Variants in ABLIM2 observed in about 807,000 individuals in gnomAD.
ABLIM2 encodes actin-binding LIM protein 2.
Under a neutral mutation model 97.7 loss-of-function variants are expected in ABLIM2, and 53 were observed. The ratio of observed to expected loss-of-function variants is 0.54; its 90% CI spans 0.44 to 0.68. The LOEUF (loss-of-function observed/expected upper bound fraction) is 0.68, where lower values mean the gene tolerates loss of function less well. ABLIM2 is among the 30% of genes least tolerant of loss of function. The probability of loss-of-function intolerance (pLI) is 0.00; values close to 1 mark genes in which losing one functional copy is unlikely to be tolerated. For synonymous variants in ABLIM2, 361 were observed against 345.8 expected, an observed-to-expected ratio of 1.04 and a Z score of -0.49; for missense variants, 835 against 867.2, an observed-to-expected ratio of 0.96 and a Z score of 0.47.
Position 7,992,444 on chromosome 4 carries a change from G to A in ABLIM2, c.1680+422C>T, listed in dbSNP as rs1170948612. ...CACGGTAACAGTAATAGCAGGGAAG[G>A]CCAGGGCATCCCCGAGAAGGAGGTG... On this transcript the variant is annotated intron_variant, in intron 17 of 20. Coordinates refer to ENST00000447017, the MANE Select transcript of ABLIM2 (RefSeq NM_001130083.2). The surrounding 1 kb of genome is among the most constrained non-coding windows in gnomAD (Gnocchi z 5.7). 6.6e-6 allele frequency among the ~76,000 whole-genome samples: 1 copy of A among 152,182 alleles called. No individual in the cohort carries two copies. The highest frequency in any genetic ancestry group is 2.4e-5 in the African/African-American group (1 of 41,452).
At position 8,006,423 on chromosome 4, in the gene ABLIM2, C is replaced by T. The variant is rs114560988; in HGVS notation, c.1618+1636G>A. Among the ~76,000 whole-genome samples, 458 of 152,316 alleles carry T rather than the reference C, an allele frequency of 3.0e-3. 1 individual carries two copies. Among genetic ancestry groups the T allele is most frequent in the Non-Finnish European group, 5.6e-3 (381 of 68,028 alleles). ...TGGCCCCAGCCTTGCAGAGTTCTGC[C>T]GGCCACCTGGCAAGGGAAGAACTGA... On this transcript the variant is annotated intron_variant, in intron 16 of 20. Coordinates refer to ENST00000447017, the MANE Select transcript of ABLIM2 (RefSeq NM_001130083.2).
chr4:7,980,941 A>ATTTTTTTTTTTTATTTTTT (rs1737705651), intron 20 of ABLIM2, among the ~76,000 whole-genome samples: 1 of 82,988 alleles, frequency 1.2e-5, no homozygotes, highest in Non-Finnish European at 2.1e-5. Flanking sequence ...ACAACCCCTT[A>ATTTTTTTTTTTTATTTTTT]TTTTTTTTTT....
At chr4:7,981,442 G>T (rs1055242312) in intron 20 of ABLIM2, among the ~76,000 whole-genome samples, 5 of 152,086 alleles carry the variant, frequency 3.3e-5, no homozygotes, top group African/African-American at 1.2e-4. Context: ...CTATCTTCCG[G>T]AAACATATAA....
At chr4:8,010,520 G>A (rs1329565427) in intron 14 of ABLIM2, 1 of 985,808 alleles carries the variant, frequency 1.0e-6, no homozygotes, top group African/African-American at 1.7e-5. Context: ...AGGCCAGAGA[G>A]CTTGGAAATT....
At chr4:8,141,904 C>A (rs1168720383) in intron 1 of ABLIM2, among the ~76,000 whole-genome samples, 1 of 152,208 alleles carries the variant, frequency 6.6e-6, no homozygotes, top group Non-Finnish European at 1.5e-5. Flanking sequence ...AATACATGCA[C>A]CCTGGATCTG....
At chr4:8,157,724 C>T (rs918678887) in intron 1 of ABLIM2, among the ~76,000 whole-genome samples, 1 of 152,272 alleles carries the variant, frequency 6.6e-6, no homozygotes, top group Non-Finnish European at 1.5e-5. Context: ...CAGTCCCTGG[C>T]GCGACAGGCT....
In ABLIM2 at chr4:8,061,915, G is replaced by C. The variant is rs917649445; in HGVS notation, c.676-861C>G. 6.6e-6 allele frequency among the ~76,000 whole-genome samples: 1 copy of C among 152,146 alleles called. No individual in the cohort carries two copies. The highest frequency in any genetic ancestry group is 1.5e-5 in the Non-Finnish European group (1 of 68,030). ...TTTTCCCTGTCCTGTGCCTTCCCTAGGATGAAAACAGCCCCGAGATGGCCC... is the reference window on the plus strand; with the variant it reads ...TTTTCCCTGTCCTGTGCCTTCCCTACGATGAAAACAGCCCCGAGATGGCCC... On this transcript the variant is annotated intron_variant, in intron 6 of 20. Coordinates refer to ENST00000447017, the MANE Select transcript of ABLIM2 (RefSeq NM_001130083.2). The surrounding 1 kb of genome is among the most constrained non-coding windows in gnomAD (Gnocchi z 4.5).
rs1340659797 is a variant in ABLIM2, at chr4:8,069,916, GTTTC to G, written c.675+7708_675+7711del. ...TTTATGTTGGTTGTGTGTGTCATGT[GTTTC>G]TTTCTGTGTGTTTATTTCCATGTGT... On this transcript the variant is annotated intron_variant, in intron 6 of 20. Transcript: ENST00000447017. The surrounding 1 kb of genome is among the most constrained non-coding windows in gnomAD (Gnocchi z 4.2). 1.9e-4 allele frequency among the ~76,000 whole-genome samples: 29 copies of G among 152,128 alleles called. No individual in the cohort carries two copies. The highest frequency in any genetic ancestry group is 6.5e-4 in the Admixed American group (10 of 15,276).
chr4:7,995,210 T>C (rs1366501158), intron 16 of ABLIM2, among the ~76,000 whole-genome samples: 2 of 152,198 alleles, frequency 1.3e-5, no homozygotes, highest in Non-Finnish European at 2.9e-5. Context: ...CCCTAAACTG[T>C]CTGTCTTTCC....
intron 6 of ABLIM2, among the ~76,000 whole-genome samples, chr4:8,064,829 T>C (rs80175657): frequency 0.04 from 6,057 of 152,246 alleles, 427 homozygotes; most frequent in African/African-American, 0.14. Context: ...TCCATGGGTG[T>C]GTCCAGTTTG....
chr4:7,980,961 T>TTTTTTTTG (rs1737839935), intron 20 of ABLIM2, among the ~76,000 whole-genome samples: 1 of 144,276 alleles, frequency 6.9e-6, no homozygotes, highest in Non-Finnish European at 1.5e-5. Flanking sequence ...TTTTTTTTTT[T>TTTTTTTTG]GAGATGGAGT....
intron 9 of ABLIM2, among the ~76,000 whole-genome samples, chr4:8,042,561 C>T (rs563676521): frequency 6.6e-6 from 1 of 152,304 alleles, no homozygotes; most frequent in Non-Finnish European, 1.5e-5. Context: ...TAAAAATAGG[C>T]CAGGCACAGC....
Position 8,058,986 on chromosome 4 carries a change from C to T in ABLIM2, c.763+1981G>A, listed in dbSNP as rs1346528006. Among the ~76,000 whole-genome samples the T allele has an allele frequency of 1.3e-5, 2 of 152,128 alleles. No homozygotes were observed. Among genetic ancestry groups the T allele is most frequent in the African/African-American group, 4.8e-5 (2 of 41,436 alleles). On this transcript the variant is annotated intron_variant, in intron 7 of 20. Coordinates refer to ENST00000447017, the MANE Select transcript of ABLIM2 (RefSeq NM_001130083.2). The surrounding 1 kb of genome is among the most constrained non-coding windows in gnomAD (Gnocchi z 4.2). Reference sequence around the variant, plus strand: ...CTGCTGCCCCAACCCTGCTCATTGGCTGCAACCCCCACTGTCTGCCATATT... The same window carrying T: ...CTGCTGCCCCAACCCTGCTCATTGGTTGCAACCCCCACTGTCTGCCATATT...
In ABLIM2 at chr4:8,080,801, A is replaced by G. The variant is rs1287099175; in HGVS notation, c.456T>C (p.Ser152=). 1.2e-6 allele frequency: 2 copies of G among 1,604,790 alleles called. No homozygotes were observed. The highest frequency in any genetic ancestry group is 1.7e-6 in the Non-Finnish European group (2 of 1,174,424). ...SSAHLSQGLR[S]CGGCGTEIKN... ...TGATTTCTGTGCCGCAGCCCCCACAACCTGGAAGAAAGAGAAGAGAACACA... is the reference window on the plus strand; with the variant it reads ...TGATTTCTGTGCCGCAGCCCCCACAGCCTGGAAGAAAGAGAAGAGAACACA... The change falls in exon 5 of 21, where the codon AGT becomes AGC. Residue 152 remains serine (S), a splice_region_variant and synonymous_variant. Coordinates refer to ENST00000447017, the MANE Select transcript of ABLIM2 (RefSeq NM_001130083.2).
At chr4:8,089,630 G>A (rs371857637) in intron 3 of ABLIM2, among the ~76,000 whole-genome samples, 1 of 151,076 alleles carries the variant, frequency 6.6e-6, no homozygotes, top group East Asian at 2.0e-4. Context: ...AGCTACTTGA[G>A]AGGGTGAGGC....
chr4:8,085,920 C>T lies in ABLIM2; in HGVS notation c.454+2249G>A, dbSNP rs1025914839. 1.6e-5 allele frequency among the ~76,000 whole-genome samples: 2 copies of T among 124,028 alleles called. No homozygotes were observed. The highest frequency in any genetic ancestry group is 3.3e-5 in the Non-Finnish European group (2 of 60,232). 81.4% of individuals were successfully genotyped at this position (124,028 alleles called of 152,430 possible). ...AGTTGAAAGGCCTTGGCCCACCCCT[C>T]GGCACTTCCGCCCCCTGATGGACAG... On this transcript the variant is annotated intron_variant, in intron 4 of 20. Coordinates refer to ENST00000447017, the MANE Select transcript of ABLIM2 (RefSeq NM_001130083.2). The surrounding 1 kb of genome is among the most constrained non-coding windows in gnomAD (Gnocchi z 6.1).
In ABLIM2 at chr4:8,004,707, G is replaced by A. The variant is rs367622438; in HGVS notation, c.1618+3352C>T. 3.9e-5 allele frequency among the ~76,000 whole-genome samples: 6 copies of A among 152,188 alleles called. No homozygotes were observed. Among genetic ancestry groups the A allele is most frequent in the East Asian group, 3.8e-4 (2 of 5,198 alleles). On this transcript the variant is annotated intron_variant, in intron 16 of 20. Transcript: ENST00000447017. This position sits in a 1 kb window ranked among gnomAD's most constrained non-coding sequence, Gnocchi z 5.9. The stretch of plus-strand genomic sequence containing the variant: ...TTCCTCCCCCAAGGCAGCGAGTCTT[G>A]TTCTAGAAAACTTCCTATAACATAA...
At position 8,089,677 on chromosome 4, in the gene ABLIM2, T is replaced by C. The variant is rs143227179; in HGVS notation, c.339-1393A>G. 9.7e-5 allele frequency among the ~76,000 whole-genome samples: 13 copies of C among 133,550 alleles called. No individual in the cohort carries two copies. The East Asian group carries it at 2.5e-3, about 25-fold the overall frequency. 87.6% of individuals were successfully genotyped at this position (133,550 alleles called of 152,430 possible). A position where few individuals can be genotyped will look rare whatever the true frequency, so the allele number is the denominator to read the frequency against. ...TTGAACTGGGAGGTGGAGGTTGCAGTGAGCCGAGATTGCACCACTGCACTC... is the reference window on the plus strand; with the variant it reads ...TTGAACTGGGAGGTGGAGGTTGCAGCGAGCCGAGATTGCACCACTGCACTC... On this transcript the variant is annotated intron_variant, in intron 3 of 20. Transcript: ENST00000447017.
At chr4:8,050,230 A>T (rs1221295160) in intron 8 of ABLIM2, among the ~76,000 whole-genome samples, 1 of 152,112 alleles carries the variant, frequency 6.6e-6, no homozygotes, top group African/African-American at 2.4e-5. Flanking sequence ...GGTCACTCAT[A>T]TTTGACTCAG....
Sources: allele counts gnomAD v4.1 joint callset (sites outside exome capture counted in the v4.1 genomes callset), GRCh38; gene constraint gnomAD v4.1.1; non-coding constraint Gnocchi (gnomAD v3.1); transcripts MANE v1.5; gene names NCBI Gene and HGNC (gene_info 2026-07-23, HGNC 2026-07-21).